GRAMD1C: variants seen among roughly 807,000 people sequenced by gnomAD.
GRAMD1C encodes protein Aster-C.
Under a neutral mutation model 97.8 loss-of-function variants are expected in GRAMD1C, and 89 were observed. The ratio of observed to expected loss-of-function variants is 0.91; its 90% CI spans 0.77 to 1.09. The LOEUF is 1.09. Among genes scored for constraint, GRAMD1C ranks in the 50% least tolerant of loss-of-function variants. The pLI, the probability that GRAMD1C is intolerant of heterozygous loss-of-function variation, is 0.00. For missense variants in GRAMD1C, 740 were observed against 766.4 expected (o/e 0.97, Z 0.41); for synonymous variants, 256 against 267.0 (o/e 0.96, Z 0.40).
At position 113,946,376 on chromosome 3, in the gene GRAMD1C, T is replaced by C. The variant is rs1452246558; in HGVS notation, c.*898T>C. On this transcript the variant is annotated 3_prime_UTR_variant, in exon 18 of 18. Coordinates refer to ENST00000358160, the MANE Select transcript of GRAMD1C (RefSeq NM_017577.5). ...CTTTATGTATGTGTGTGACTTGTTT[T>C]GATTGGTAAGTTATAAGCCAGACAT... 6.6e-6 allele frequency: 1 copy of C among 152,522 alleles called. No individual in the cohort carries two copies. Among genetic ancestry groups the C allele is most frequent in the African/African-American group, 2.4e-5 (1 of 41,466 alleles). The allele number at this position is 152,522 out of a possible 1,614,324, so 9.4% of individuals were successfully genotyped here. A position where few individuals can be genotyped will look rare whatever the true frequency, so the allele number is the denominator to read the frequency against.
chr3:113,930,356 G>A (rs1055814370), intron 10 of GRAMD1C, among the ~76,000 whole-genome samples: 3 of 152,154 alleles, frequency 2.0e-5, no homozygotes, highest in Non-Finnish European at 4.4e-5. Flanking sequence ...ATGTTAAAGT[G>A]TTGTTCCGTC....
chr3:113,927,263 T>G (rs1420731344), intron 10 of GRAMD1C, among the ~76,000 whole-genome samples: 1 of 152,092 alleles, frequency 6.6e-6, no homozygotes, highest in East Asian at 1.9e-4. Context: ...AAAGGGAAAG[T>G]GATGACCCCC....
intron 15 of GRAMD1C, chr3:113,938,775 T>G (rs1028157833): frequency 6.6e-6 from 1 of 152,236 alleles, no homozygotes; most frequent in Non-Finnish European, 1.5e-5. Flanking sequence ...AATATCTATA[T>G]GCCTCTATAT....
chr3:113,844,006 T>C (rs1933497206), intron 1 of GRAMD1C, among the ~76,000 whole-genome samples: 1 of 152,258 alleles, frequency 6.6e-6, no homozygotes, highest in Admixed American at 6.5e-5. Flanking sequence ...TTTTATTATT[T>C]ATTGTTCCTC....
Position 113,924,015 on chromosome 3 carries a change from A to G in GRAMD1C, c.1091-6699A>G, listed in dbSNP as rs146196237. On this transcript the variant is annotated intron_variant, in intron 10 of 17. Coordinates refer to ENST00000358160, the MANE Select transcript of GRAMD1C (RefSeq NM_017577.5). ...TCCTGGCTCAATCTTGGGAGGTTTT[A>G]TATTTCCAGAAATTTATCCATTTCT... Among the ~76,000 whole-genome samples the G allele has an allele frequency of 8.0e-3, 1,183 of 147,080 alleles. 18 individuals are homozygous for G. The highest frequency in any genetic ancestry group is 0.026 in the African/African-American group (1,057 of 40,132).
chr3:113,930,021 T>A (rs1025452906), intron 10 of GRAMD1C, among the ~76,000 whole-genome samples: 1 of 152,200 alleles, frequency 6.6e-6, no homozygotes, highest in Non-Finnish European at 1.5e-5. Flanking sequence ...GTTTTTGGCT[T>A]CATGAAATGA....
intron 1 of GRAMD1C, among the ~76,000 whole-genome samples, chr3:113,832,310 G>A (rs1709569924): frequency 6.6e-6 from 1 of 152,158 alleles, no homozygotes; most frequent in South Asian, 2.1e-4. Context: ...TTACAGGCAT[G>A]AGCCACTGTG....
intron 6 of GRAMD1C, chr3:113,897,867 A>G (rs918657969): frequency 2.6e-6 from 1 of 388,416 alleles, no homozygotes; most frequent in Non-Finnish European, 3.5e-6. Context: ...CTACTAAGGT[A>G]GATTATTTTT....
chr3:113,906,503 A>G (rs1936377015), intron 8 of GRAMD1C, among the ~76,000 whole-genome samples: 1 of 152,206 alleles, frequency 6.6e-6, no homozygotes, highest in Non-Finnish European at 1.5e-5. Flanking sequence ...TAGAATAAGT[A>G]TATAAAGAAA....
chr3:113,887,830 A>G (rs899701200), intron 6 of GRAMD1C, among the ~76,000 whole-genome samples: 1 of 151,988 alleles, frequency 6.6e-6, no homozygotes, highest in Non-Finnish European at 1.5e-5. Flanking sequence ...AACCTTATAA[A>G]AATAAGAAAA....
Position 113,901,088 on chromosome 3 carries a change from G to C in GRAMD1C, c.598G>C (p.Gly200Arg). ...CCAGCAGAACTATGGCACTGAGCTA[G>C]GTTTAAATGCTGAGGAGATGGAAAA... ...LLQQNYGTEL[G>R]LNAEEMENLS... Residue 200 changes from glycine (G) to arginine (R), a missense_variant, in exon 7 of 18, where the codon GGT (glycine) becomes CGT (arginine). Gly to Arg is a moderately radical substitution (Grantham distance 125). Coordinates refer to ENST00000358160, the MANE Select transcript of GRAMD1C (RefSeq NM_017577.5). The C allele has an allele frequency of 6.2e-7, 1 of 1,611,870 alleles. No individual in the cohort carries two copies. The highest frequency in any genetic ancestry group is 8.5e-7 in the Non-Finnish European group (1 of 1,178,066).
intron 17 of GRAMD1C, among the ~76,000 whole-genome samples, 178 bp downstream of exon 17, chr3:113,940,523 T>C (rs1030706985): frequency 6.6e-6 from 1 of 152,216 alleles, no homozygotes; most frequent in African/African-American, 2.4e-5. Flanking sequence ...GTAGTCACTT[T>C]TGTTTATTTA....
intron 11 of GRAMD1C, among the ~76,000 whole-genome samples, chr3:113,932,151 C>T (rs1412207444): frequency 6.6e-6 from 1 of 152,178 alleles, no homozygotes; most frequent in Non-Finnish European, 1.5e-5. Flanking sequence ...CCAATTTGTG[C>T]TGAGTATCTG....
At chr3:113,899,029 G>T (rs1211034835) in intron 6 of GRAMD1C, among the ~76,000 whole-genome samples, 2 of 151,966 alleles carry the variant, frequency 1.3e-5, no homozygotes, top group East Asian at 1.9e-4. Context: ...AGACAGAGAA[G>T]AAAAAAGGAG....
Position 113,930,828 on chromosome 3 carries a change from A to G in GRAMD1C, c.1205A>G (p.Lys402Arg), listed in dbSNP as rs949963437. 4 of 1,522,518 alleles carry G rather than the reference A, an allele frequency of 2.6e-6. No individual in the cohort carries two copies. The highest frequency in any genetic ancestry group is 3.6e-6 in the Non-Finnish European group (4 of 1,096,582). The allele number at this position is 1,522,518 out of a possible 1,614,324, so 94.3% of individuals were successfully genotyped here. ...GGAAAATGCACTGCTGCCACTGAAA[A>G]GCAGGTACGTCTGCTTTGTCAGTGT... ...LTGKCTAATE[K>R]QTLYKESREA... The change falls in exon 11 of 18, where the codon AAG becomes AGG. Residue 402 changes from lysine (K) to arginine (R), a missense_variant. Transcript: ENST00000358160.
chr3:113,892,053 A>G (rs1234850940), intron 6 of GRAMD1C, among the ~76,000 whole-genome samples: 3 of 152,084 alleles, frequency 2.0e-5, no homozygotes, highest in Non-Finnish European at 2.9e-5. Flanking sequence ...TAGTAAAATT[A>G]TGTTTGTGTG....
chr3:113,909,674 G>A (rs1936497331), intron 9 of GRAMD1C, among the ~76,000 whole-genome samples: 1 of 152,126 alleles, frequency 6.6e-6, no homozygotes, highest in Admixed American at 6.6e-5. Flanking sequence ...ATATAATTAT[G>A]AAAGCAAGTA....
At chr3:113,876,341 G>C (rs983934991) in intron 5 of GRAMD1C, 81 bp downstream of exon 5, 19 of 730,602 alleles carry the variant, frequency 2.6e-5, no homozygotes, top group Non-Finnish European at 4.6e-5. Context: ...TGGGAAATTA[G>C]GCAGTTCTTC....
intron 11 of GRAMD1C, 41 bp downstream of exon 11, chr3:113,930,873 G>A (rs749411914): frequency 1.9e-6 from 2 of 1,033,062 alleles, no homozygotes; most frequent in Admixed American, 1.8e-5. Context: ...TCATGTGTGG[G>A]GGAAGAGAGA....
Sources: allele counts gnomAD v4.1 joint callset (sites outside exome capture counted in the v4.1 genomes callset), GRCh38; gene constraint gnomAD v4.1.1; transcripts MANE v1.5; gene names NCBI Gene and HGNC (gene_info 2026-07-23, HGNC 2026-07-21).